PTPN13: variants seen among roughly 807,000 people sequenced by gnomAD.
PTPN13 encodes protein tyrosine phosphatase non-receptor type 13, also known as tyrosine-protein phosphatase non-receptor type 13.
In PTPN13, 191 loss-of-function variants were observed where a neutral mutation model predicts 284.0. The ratio of observed to expected loss-of-function variants is 0.67; its 90% CI spans 0.60 to 0.76. The LOEUF (loss-of-function observed/expected upper bound fraction) is 0.76. Ranked by LOEUF, PTPN13 falls within the 30% of genes least tolerant of loss-of-function variation. PTPN13 has a pLI of 0.00. For missense variants in PTPN13, 2,797 were observed against 2,939.9 expected, an observed-to-expected ratio of 0.95 and a Z score of 1.12; for synonymous variants, 986 against 1,022.3, an observed-to-expected ratio of 0.96 and a Z score of 0.68.
chr4:86,779,237 A>G (rs576512088), intron 35 of PTPN13, among the ~76,000 whole-genome samples: 1 of 152,170 alleles, frequency 6.6e-6, no homozygotes, highest in African/African-American at 2.4e-5. Context: ...TCTACGGTGA[A>G]ACCCCGTCTC....
At chr4:86,609,640 GCTTTT>G (rs1177929621) in intron 1 of PTPN13, among the ~76,000 whole-genome samples, 1 of 151,960 alleles carries the variant, frequency 6.6e-6, no homozygotes, top group Admixed American at 6.6e-5. Context: ...TATTTTTTCT[GCTTTT>G]CTTTTTTTTC....
At chr4:86,614,638 T>C (rs1224501487) in intron 1 of PTPN13, among the ~76,000 whole-genome samples, 1 of 152,114 alleles carries the variant, frequency 6.6e-6, no homozygotes, top group Admixed American at 6.5e-5. Flanking sequence ...TATTTCCTGA[T>C]AATAAGGTTG....
chr4:86,695,275 A>G (rs992314825), intron 6 of PTPN13, among the ~76,000 whole-genome samples: 6 of 152,106 alleles, frequency 3.9e-5, no homozygotes, highest in Non-Finnish European at 7.4e-5. Flanking sequence ...CCAAAAAAAT[A>G]ACAGTGTGGT....
At chr4:86,633,498 C>T (rs1284210578) in intron 1 of PTPN13, among the ~76,000 whole-genome samples, 1 of 152,180 alleles carries the variant, frequency 6.6e-6, no homozygotes, top group Non-Finnish European at 1.5e-5. Context: ...GAAAGGAAGG[C>T]ACCTTTCCAC....
intron 5 of PTPN13, among the ~76,000 whole-genome samples, chr4:86,692,396 A>G (rs1464566884): frequency 1.3e-5 from 2 of 152,196 alleles, no homozygotes; most frequent in Non-Finnish European, 2.9e-5. Context: ...CCTTGAATAT[A>G]CCACCTTAGA....
At chr4:86,765,351 A>C in intron 25 of PTPN13, 44 bp from the exon 26 acceptor site, 1 of 1,507,242 alleles carries the variant, frequency 6.6e-7, no homozygotes, top group Admixed American at 2.0e-5. Context: ...GAGAGTGCAA[A>C]ATTTTTCATG....
At chr4:86,619,950 T>C (rs1456698146) in intron 1 of PTPN13, among the ~76,000 whole-genome samples, 1 of 152,114 alleles carries the variant, frequency 6.6e-6, no homozygotes, top group Non-Finnish European at 1.5e-5. Context: ...CATTATTGTG[T>C]TCTCATGTAT....
chr4:86,600,485 T>A (rs1175010978), intron 1 of PTPN13, among the ~76,000 whole-genome samples: 1 of 130,110 alleles, frequency 7.7e-6, no homozygotes, highest in Non-Finnish European at 1.6e-5. Flanking sequence ...TAGATTTGCC[T>A]ACAGAACACT....
At chr4:86,605,724 A>G (rs904436060) in intron 1 of PTPN13, among the ~76,000 whole-genome samples, 6 of 151,838 alleles carry the variant, frequency 4.0e-5, no homozygotes, top group Non-Finnish European at 8.8e-5. Context: ...AAAATCTAAA[A>G]ATAAGATTTT....
chr4:86,653,309 T>C (rs533655023), intron 2 of PTPN13, among the ~76,000 whole-genome samples: 9 of 152,258 alleles, frequency 5.9e-5, no homozygotes, highest in East Asian at 3.9e-4. Flanking sequence ...CGGATGTTCA[T>C]TGATGTCTGG....
chr4:86,659,477 ATAAAT>A (rs1726226551), intron 2 of PTPN13, among the ~76,000 whole-genome samples: 4 of 152,196 alleles, frequency 2.6e-5, no homozygotes, highest in African/African-American at 7.2e-5. Context: ...TAAATTTTAA[ATAAAT>A]TAAAAACTCA....
intron 1 of PTPN13, among the ~76,000 whole-genome samples, chr4:86,596,969 G>T (rs1001124405): frequency 1.3e-5 from 2 of 152,132 alleles, no homozygotes; most frequent in Admixed American, 6.5e-5. Flanking sequence ...ACATATTCTT[G>T]TTTTGGAATA....
At chr4:86,654,701 G>A (rs1189910276) in intron 2 of PTPN13, among the ~76,000 whole-genome samples, 1 of 152,202 alleles carries the variant, frequency 6.6e-6, no homozygotes, top group African/African-American at 2.4e-5. Context: ...GTGGTGCTGA[G>A]AAGAATGTAT....
intron 23 of PTPN13, 62 bp downstream of exon 23, chr4:86,759,135 T>C: frequency 2.0e-6 from 3 of 1,532,168 alleles, no homozygotes; most frequent in Non-Finnish European, 2.6e-6. Flanking sequence ...TCCTTTTTAG[T>C]GATATTCGCA....
At chr4:86,625,842 A>C (rs571946745) in intron 1 of PTPN13, among the ~76,000 whole-genome samples, 2 of 152,214 alleles carry the variant, frequency 1.3e-5, no homozygotes, top group African/African-American at 4.8e-5. Flanking sequence ...ACTATTTTTT[A>C]CAATGTAAAG....
chr4:86,807,755 G>A lies in PTPN13; in HGVS notation c.6941G>A (p.Gly2314Glu), dbSNP rs115582190. The change falls in exon 45 of 48, where the codon GGA becomes GAA. Residue 2314 changes from glycine (G) to glutamate (E), a missense_variant. Coordinates refer to ENST00000411767, the MANE Select transcript of PTPN13 (RefSeq NM_080683.3). ...GCCATGATGACTCAAGAAGTAGAAG[G>A]AGAAAAAATCAAATGCCAGCGCTAT... ...VIAMMTQEVE[G>E]EKIKCQRYWP... 2 of 1,613,984 alleles carry A rather than the reference G, an allele frequency of 1.2e-6. No individual in the cohort carries two copies. Among genetic ancestry groups the A allele is most frequent in the African/African-American group, 2.7e-5 (2 of 75,034 alleles).
At chr4:86,647,907 T>G (rs1239502085) in intron 2 of PTPN13, among the ~76,000 whole-genome samples, 1 of 152,116 alleles carries the variant, frequency 6.6e-6, no homozygotes, top group Non-Finnish European at 1.5e-5. Flanking sequence ...AGTACAGAAT[T>G]GTGAGAAAAT....
chr4:86,670,868 A>G (rs890778749), intron 2 of PTPN13, among the ~76,000 whole-genome samples: 2 of 152,242 alleles, frequency 1.3e-5, no homozygotes, highest in Non-Finnish European at 2.9e-5. Flanking sequence ...ACTGTAAAAT[A>G]CGACAACATA....
intron 20 of PTPN13, 135 bp downstream of exon 20, chr4:86,753,200 G>A (rs892594144): frequency 3.7e-6 from 2 of 540,716 alleles, no homozygotes; most frequent in Non-Finnish European, 6.2e-6. Context: ...AAGGAGAGTT[G>A]TATTTTTCAG....
Sources: allele counts gnomAD v4.1 joint callset (sites outside exome capture counted in the v4.1 genomes callset), GRCh38; gene constraint gnomAD v4.1.1; transcripts MANE v1.5; gene names NCBI Gene and HGNC (gene_info 2026-07-23, HGNC 2026-07-21).